The following GRIN2B variants were observed in gnomAD, a reference collection of about 807,000 sequenced individuals.
GRIN2B encodes glutamate receptor ionotropic, NMDA 2B.
In GRIN2B, 5 loss-of-function variants were observed where a neutral mutation model predicts 114.5. That is an observed-to-expected ratio of 0.04 (90% CI 0.02 to 0.09). The LOEUF (loss-of-function observed/expected upper bound fraction) is 0.09. GRIN2B is among the 10% of genes least tolerant of loss of function. The pLI, the probability that GRIN2B is intolerant of heterozygous loss-of-function variation, is 1.00. For missense variants in GRIN2B, 1,108 were observed against 1,943.5 expected (o/e 0.57, Z 8.08); for synonymous variants, 787 against 745.1 (o/e 1.06, Z -0.92).
chr12:13,835,953 G>A (rs1303482298), intron 3 of GRIN2B, among the ~76,000 whole-genome samples: 2 of 152,072 alleles, frequency 1.3e-5, no homozygotes, highest in East Asian at 1.9e-4. Flanking sequence ...AGGTTTGAGA[G>A]AGGAGGAAGA....
chr12:13,777,093 G>A (rs1864019641), intron 3 of GRIN2B, among the ~76,000 whole-genome samples: 1 of 152,122 alleles, frequency 6.6e-6, no homozygotes, highest in South Asian at 2.1e-4. Context: ...TCTCTGTCCT[G>A]ACCTGAGGTG....
rs1866929813 is a variant in GRIN2B, at chr12:13,926,975, A to T, written c.-19+52953T>A. ...TCAAAAAAAAGAAAAAAAAAAAAAGACAAATTTGTATGGAAGGCATTTAAG... is the reference window on the plus strand; with the variant it reads ...TCAAAAAAAAGAAAAAAAAAAAAAGTCAAATTTGTATGGAAGGCATTTAAG... On this transcript the variant is annotated intron_variant, in intron 2 of 13. Coordinates refer to ENST00000609686, the MANE Select transcript of GRIN2B (RefSeq NM_000834.5). Among the ~76,000 whole-genome samples, 12 of 141,410 alleles carry T rather than the reference A, an allele frequency of 8.5e-5. 1 individual carries two copies. The South Asian group carries it at 2.7e-3, about 32-fold the overall frequency. 92.8% of individuals were successfully genotyped at this position (141,410 alleles called of 152,430 possible).
At chr12:13,895,404 C>T (rs1437026346) in intron 2 of GRIN2B, among the ~76,000 whole-genome samples, 1 of 152,142 alleles carries the variant, frequency 6.6e-6, no homozygotes, top group Admixed American at 6.6e-5. Flanking sequence ...ATTAAAGGGA[C>T]TTGAAAAAGC....
rs146400388 is a variant in GRIN2B at position 13,974,889 on chromosome 12, A to C, written c.-19+5039T>G. ...AAGTTAAAAGAACAGTGTAAAAGAG[A>C]CTAAGAGACATTAACAAAAAGATAA... On this transcript the variant is annotated intron_variant, in intron 2 of 13. Coordinates refer to ENST00000609686, the MANE Select transcript of GRIN2B (RefSeq NM_000834.5). Among the ~76,000 whole-genome samples, 1,101 of 152,312 alleles carry C rather than the reference A, an allele frequency of 7.2e-3. 11 individuals are homozygous for C. The highest frequency in any genetic ancestry group is 0.026 in the African/African-American group (1,070 of 41,552).
chr12:13,861,770 G>T (rs528399655), intron 3 of GRIN2B, among the ~76,000 whole-genome samples: 58 of 152,070 alleles, frequency 3.8e-4, no homozygotes, highest in Non-Finnish European at 7.2e-4. Context: ...TTCTTGGGTG[G>T]TCTCCAATTT....
At chr12:13,816,703 T>C (rs1022252072) in intron 3 of GRIN2B, among the ~76,000 whole-genome samples, 14 of 152,104 alleles carry the variant, frequency 9.2e-5, no homozygotes, top group African/African-American at 3.4e-4. Flanking sequence ...TCACAAATGA[T>C]TAAAGAATGT....
At chr12:13,606,322 G>A (rs1400545106) in intron 10 of GRIN2B, among the ~76,000 whole-genome samples, 2 of 152,212 alleles carry the variant, frequency 1.3e-5, no homozygotes, top group East Asian at 3.9e-4. Flanking sequence ...GGTGGAAGGG[G>A]CAGGGGAGCC....
rs544644602 is a variant in GRIN2B, at chr12:13,777,102, T to C, written c.412-23187A>G. ...GCTCCCTCTCTGTCCTGACCTGAGGTGAACAAGAAGAATCTAAGTAAGAAT... is the reference window on the plus strand; with the variant it reads ...GCTCCCTCTCTGTCCTGACCTGAGGCGAACAAGAAGAATCTAAGTAAGAAT... On this transcript the variant is annotated intron_variant, in intron 3 of 13. Coordinates refer to ENST00000609686, the MANE Select transcript of GRIN2B (RefSeq NM_000834.5). 7.9e-5 allele frequency among the ~76,000 whole-genome samples: 12 copies of C among 152,192 alleles called. No homozygotes were observed. In the East Asian group the frequency reaches 2.3e-3, roughly 29 times the overall value.
intron 10 of GRIN2B, among the ~76,000 whole-genome samples, chr12:13,578,310 T>C (rs10772693): frequency 0.73 from 110,803 of 152,122 alleles, 42,643 homozygotes; most frequent in Non-Finnish European, 0.86. Flanking sequence ...AGAAGTAACA[T>C]TGTGGGATTG....
intron 3 of GRIN2B, among the ~76,000 whole-genome samples, chr12:13,864,369 G>A (rs1865791751): frequency 6.9e-6 from 1 of 145,298 alleles, no homozygotes; most frequent in Non-Finnish European, 1.6e-5. Context: ...TGTGGTGTCT[G>A]TGCTAGGTTT....
At position 13,954,811 on chromosome 12, in the gene GRIN2B, G is replaced by GAAAAAAAAAAAAAAAAAAAAAAAA. The variant is rs61525874; in HGVS notation, c.-19+25116_-19+25117insTTTTTTTTTTTTTTTTTTTTTTTT. Reference sequence around the variant, plus strand: ...GTGACAGAGTGAGACTCCGTCTCAGGAAAAAAAAAAAAAAAAAACTTTTTC... The same window carrying GAAAAAAAAAAAAAAAAAAAAAAAA: ...GTGACAGAGTGAGACTCCGTCTCAGGAAAAAAAAAAAAAAAAAAAAAAAAAAAAAAAAAAAAAAAAAACTTTTTC... On this transcript the variant is annotated intron_variant, in intron 2 of 13. Coordinates refer to ENST00000609686, the MANE Select transcript of GRIN2B (RefSeq NM_000834.5). 1.4e-3 allele frequency among the ~76,000 whole-genome samples: 35 copies of GAAAAAAAAAAAAAAAAAAAAAAAA among 25,538 alleles called. 6 individuals are homozygous for GAAAAAAAAAAAAAAAAAAAAAAAA. The highest frequency in any genetic ancestry group is 4.0e-3 in the South Asian group (2 of 498). The allele number at this position is 25,538 out of a possible 152,430, so 16.8% of individuals were successfully genotyped here.
In GRIN2B at chr12:13,732,892, T is replaced by C. The variant is rs200665361; in HGVS notation, c.1010+20425A>G. Among the ~76,000 whole-genome samples, 3 of 152,334 alleles carry C rather than the reference T, an allele frequency of 2.0e-5. No homozygotes were observed. The East Asian group carries it at 5.8e-4, about 29-fold the overall frequency. On this transcript the variant is annotated intron_variant, in intron 4 of 13. Coordinates refer to ENST00000609686, the MANE Select transcript of GRIN2B (RefSeq NM_000834.5). ...AGTTAATTCACTCATTTGACAAGTATATAATGAGTGCCTGCACTGAGCTCA... is the reference window on the plus strand; with the variant it reads ...AGTTAATTCACTCATTTGACAAGTACATAATGAGTGCCTGCACTGAGCTCA...
At chr12:13,885,390 G>C (rs562992345) in intron 2 of GRIN2B, among the ~76,000 whole-genome samples, 1 of 152,282 alleles carries the variant, frequency 6.6e-6, no homozygotes, top group East Asian at 1.9e-4. Flanking sequence ...TCTAAATTGA[G>C]AGTGCAAGTA....
intron 3 of GRIN2B, among the ~76,000 whole-genome samples, chr12:13,794,509 C>A (rs1864381803): frequency 6.6e-6 from 1 of 152,136 alleles, no homozygotes; most frequent in South Asian, 2.1e-4. Context: ...CACTAACCTC[C>A]CCCCCGGACC....
Position 13,569,389 on chromosome 12 carries a change from A to G in GRIN2B, c.2359+441T>C, listed in dbSNP as rs542560307. Reference sequence around the variant, plus strand: ...ACTGGCATTCTTAAGAAAAAGGGAAATTCAGACACAGACATGTGCAGAGGG... The same window carrying G: ...ACTGGCATTCTTAAGAAAAAGGGAAGTTCAGACACAGACATGTGCAGAGGG... On this transcript the variant is annotated intron_variant, in intron 12 of 13. Coordinates refer to ENST00000609686, the MANE Select transcript of GRIN2B (RefSeq NM_000834.5). Among the ~76,000 whole-genome samples the G allele has an allele frequency of 4.6e-5, 7 of 152,352 alleles. No individual in the cohort carries two copies. In the East Asian group the frequency reaches 1.3e-3, roughly 29 times the overall value.
At chr12:13,629,629 C>T (rs1318126105) in intron 5 of GRIN2B, among the ~76,000 whole-genome samples, 2 of 152,106 alleles carry the variant, frequency 1.3e-5, no homozygotes, top group African/African-American at 4.8e-5. Flanking sequence ...CTCTTTCCCT[C>T]CTTCCCTCCT....
intron 2 of GRIN2B, among the ~76,000 whole-genome samples, chr12:13,972,701 G>A (rs934844291): frequency 1.5e-4 from 23 of 152,176 alleles, no homozygotes; most frequent in Non-Finnish European, 3.2e-4. Context: ...CCAACCTTAG[G>A]ACTATTTTCA....
chr12:13,754,294 C>G (rs965768535), intron 3 of GRIN2B, among the ~76,000 whole-genome samples: 2 of 151,996 alleles, frequency 1.3e-5, no homozygotes, highest in African/African-American at 4.8e-5. Context: ...CATGTCAGTT[C>G]AGGTCAGGTT....
At chr12:13,785,762 T>C (rs1268108341) in intron 3 of GRIN2B, among the ~76,000 whole-genome samples, 2 of 152,200 alleles carry the variant, frequency 1.3e-5, no homozygotes, top group Non-Finnish European at 2.9e-5. Context: ...GTAACAAATA[T>C]AGCAACAGAT....
Sources: gnomAD v4.1 joint callset for allele counts (sites outside exome capture counted in the v4.1 genomes callset) on GRCh38, gnomAD v4.1.1 for gene constraint, MANE v1.5 for transcripts, NCBI Gene and HGNC (gene_info 2026-07-23, HGNC 2026-07-21) for gene names.